Variants in AFG1L observed in about 807,000 individuals in gnomAD.
AFG1L encodes AFG1 like ATPase.
Under a neutral mutation model 62.2 loss-of-function variants are expected in AFG1L, and 53 were observed. That is an observed-to-expected ratio of 0.85 (90% CI 0.68 to 1.07). The LOEUF is 1.07. Ranked by LOEUF, AFG1L falls within the 50% of genes least tolerant of loss-of-function variation. The pLI is 0.00. For synonymous variants in AFG1L, 228 were observed against 210.3 expected (o/e 1.08, Z -0.73); for missense variants, 555 against 590.5 (o/e 0.94, Z 0.62).
chr6:108,458,967 G>A (rs1562174328), intron 8 of AFG1L, among the ~76,000 whole-genome samples: 1 of 152,094 alleles, frequency 6.6e-6, no homozygotes, highest in Non-Finnish European at 1.5e-5. Context: ...GAACCAGAGT[G>A]CCTTTATTCT....
chr6:108,492,993 A>G (rs542805924), intron 10 of AFG1L, among the ~76,000 whole-genome samples: 3 of 152,140 alleles, frequency 2.0e-5, no homozygotes, highest in Admixed American at 6.6e-5. Flanking sequence ...CATGTTTTTA[A>G]AAAATGTTAT....
chr6:108,321,061 CTT>C (rs1777795528), intron 1 of AFG1L, among the ~76,000 whole-genome samples: 1 of 152,254 alleles, frequency 6.6e-6, no homozygotes, highest in East Asian at 1.9e-4. Flanking sequence ...TTCTGGCACT[CTT>C]TATTTGAAGT....
chr6:108,384,708 A>G (rs1582485396), intron 6 of AFG1L, among the ~76,000 whole-genome samples: 1 of 152,180 alleles, frequency 6.6e-6, no homozygotes, highest in Non-Finnish European at 1.5e-5. Flanking sequence ...TAAAGAAAAT[A>G]TGTTCAGAAT....
intron 12 of AFG1L, chr6:108,520,416 G>A (rs1775079292): frequency 6.6e-6 from 1 of 152,214 alleles, no homozygotes; most frequent in African/African-American, 2.4e-5. Context: ...CCTGGAGCTT[G>A]GAGTCTGGTG....
At chr6:108,366,610 A>G (rs1779771696) in intron 6 of AFG1L, among the ~76,000 whole-genome samples, 3 of 149,060 alleles carry the variant, frequency 2.0e-5, no homozygotes, top group Non-Finnish European at 4.5e-5. Flanking sequence ...ATATGTGCTT[A>G]GCAAAAAATG....
At chr6:108,486,761 C>T (rs1773589914) in intron 10 of AFG1L, among the ~76,000 whole-genome samples, 2 of 152,116 alleles carry the variant, frequency 1.3e-5, no homozygotes, top group South Asian at 4.1e-4. Context: ...CTCTGTCACC[C>T]AGGCATGATC....
Position 108,459,984 on chromosome 6 carries a change from G to A in AFG1L, c.890+12688G>A, listed in dbSNP as rs141662729. On this transcript the variant is annotated intron_variant, in intron 8 of 12. Coordinates refer to ENST00000368977, the MANE Select transcript of AFG1L (RefSeq NM_145315.5). ...AGGGAACCTTTAGTTTAAAGGAGAC[G>A]TAGAAACATATCAACAAATTACAGT... Among the ~76,000 whole-genome samples, 1,035 of 151,806 alleles carry A rather than the reference G, an allele frequency of 6.8e-3. 34 individuals are homozygous for A. The highest frequency in any genetic ancestry group is 0.057 in the Admixed American group (871 of 15,248).
chr6:108,370,891 T>C (rs934671718), intron 6 of AFG1L, among the ~76,000 whole-genome samples: 5 of 152,160 alleles, frequency 3.3e-5, no homozygotes, highest in Non-Finnish European at 7.3e-5. Flanking sequence ...GTTATAATGC[T>C]TTGGTAATTG....
chr6:108,394,499 C>G (rs1200946868), intron 6 of AFG1L, among the ~76,000 whole-genome samples: 1 of 152,168 alleles, frequency 6.6e-6, no homozygotes, highest in Non-Finnish European at 1.5e-5. Context: ...CTTCCCCAGG[C>G]AGCTACTGAT....
intron 6 of AFG1L, among the ~76,000 whole-genome samples, chr6:108,380,582 G>A (rs1222218434): frequency 6.6e-6 from 1 of 152,196 alleles, no homozygotes; most frequent in African/African-American, 2.4e-5. Flanking sequence ...TGGATGTGGA[G>A]GCCCCCTATC....
intron 2 of AFG1L, among the ~76,000 whole-genome samples, chr6:108,327,730 T>C (rs2114325323): frequency 6.6e-6 from 1 of 152,332 alleles, no homozygotes; most frequent in Admixed American, 6.5e-5. Context: ...ACTTATTTTG[T>C]TGTTCCTTTT....
intron 8 of AFG1L, among the ~76,000 whole-genome samples, chr6:108,452,155 G>T (rs1373922603): frequency 6.6e-6 from 1 of 152,152 alleles, no homozygotes; most frequent in East Asian, 1.9e-4. Flanking sequence ...GAATTGTCTG[G>T]TACTGATCAA....
intron 11 of AFG1L, among the ~76,000 whole-genome samples, chr6:108,516,882 T>C (rs1774917554): frequency 6.6e-6 from 1 of 152,122 alleles, no homozygotes; most frequent in South Asian, 2.1e-4. Flanking sequence ...AGCCAAATCA[T>C]GAGTGAACTC....
At chr6:108,479,063 C>T (rs1333746142) in intron 10 of AFG1L, among the ~76,000 whole-genome samples, 1 of 152,196 alleles carries the variant, frequency 6.6e-6, no homozygotes, top group Non-Finnish European at 1.5e-5. Flanking sequence ...ATGATTATGG[C>T]TCACTACAGC....
intron 6 of AFG1L, among the ~76,000 whole-genome samples, chr6:108,390,584 C>T (rs1221978405): frequency 6.6e-6 from 1 of 152,248 alleles, no homozygotes; most frequent in Non-Finnish European, 1.5e-5. Context: ...TTCCTTCTAA[C>T]TGTCAGGACC....
chr6:108,472,284 C>CT (rs1274450827), intron 8 of AFG1L, among the ~76,000 whole-genome samples: 4 of 152,170 alleles, frequency 2.6e-5, no homozygotes, highest in South Asian at 2.1e-4. Flanking sequence ...CAAAGGATGA[C>CT]TAAGTCTAAA....
chr6:108,331,298 A>AACAAG (rs1418332260), intron 2 of AFG1L, among the ~76,000 whole-genome samples: 1 of 152,190 alleles, frequency 6.6e-6, no homozygotes, highest in East Asian at 1.9e-4. Flanking sequence ...AACAAAACAA[A>AACAAG]ACAGAACAAA....
At position 108,353,752 on chromosome 6, in the gene AFG1L, G is replaced by A. The variant is rs115135906; in HGVS notation, c.416-1902G>A. On this transcript the variant is annotated intron_variant, in intron 3 of 12. Coordinates refer to ENST00000368977, the MANE Select transcript of AFG1L (RefSeq NM_145315.5). The stretch of plus-strand genomic sequence containing the variant: ...AATTTGAAACTTTATTAACTTTTCT[G>A]GGTAAATATAATTATTTAAAATCTA... 2.6e-3 allele frequency among the ~76,000 whole-genome samples: 398 copies of A among 152,002 alleles called. 2 individuals carry two copies. Among genetic ancestry groups the A allele is most frequent in the African/African-American group, 9.2e-3 (383 of 41,440 alleles).
At chr6:108,459,886 T>C (rs1443542223) in intron 8 of AFG1L, among the ~76,000 whole-genome samples, 2 of 152,242 alleles carry the variant, frequency 1.3e-5, no homozygotes, top group Non-Finnish European at 2.9e-5. Context: ...CATCAAAATG[T>C]AGACTGTAGA....
Sources: allele counts gnomAD v4.1 joint callset (sites outside exome capture counted in the v4.1 genomes callset), GRCh38; gene constraint gnomAD v4.1.1; transcripts MANE v1.5; gene names NCBI Gene and HGNC (gene_info 2026-07-23, HGNC 2026-07-21).